MARCHF1: variants seen among roughly 807,000 people sequenced by gnomAD.
The protein encoded by MARCHF1 is E3 ubiquitin-protein ligase MARCHF1.
A neutral mutation model predicts 54.2 loss-of-function variants in MARCHF1; 40 were observed. The ratio of observed to expected loss-of-function variants is 0.74; its 90% CI spans 0.57 to 0.96. The LOEUF (loss-of-function observed/expected upper bound fraction) is 0.96. Among genes scored for constraint, MARCHF1 ranks in the 40% least tolerant of loss-of-function variants. The probability of loss-of-function intolerance (pLI) is 0.00; values close to 1 mark genes in which losing one functional copy is unlikely to be tolerated. For missense variants in MARCHF1, 586 were observed against 656.5 expected (o/e 0.89, Z 1.17); for synonymous variants, 236 against 236.3 (o/e 1.00, Z 0.01).
At chr4:163,650,885 T>TG (rs1324996422) in intron 5 of MARCHF1, among the ~76,000 whole-genome samples, 3 of 151,912 alleles carry the variant, frequency 2.0e-5, no homozygotes, top group Non-Finnish European at 4.4e-5. Context: ...AGCACTATGT[T>TG]GCGTTTATTG....
At chr4:163,733,258 T>TATACACGTGTATATACACACACAC (rs1554008879) in intron 4 of MARCHF1, among the ~76,000 whole-genome samples, 5 of 45,066 alleles carry the variant, frequency 1.1e-4, no homozygotes, top group Non-Finnish European at 2.6e-4. Flanking sequence ...TATATATATA[T>TATACACGTGTATATACACACACAC]ACACACACAC....
chr4:164,355,273 T>A (rs1186232845), intron 1 of MARCHF1, among the ~76,000 whole-genome samples: 44 of 67,888 alleles, frequency 6.5e-4, no homozygotes, highest in African/African-American at 2.0e-3. Flanking sequence ...ACTTTAAAGT[T>A]CATATGGAAC....
At chr4:163,561,803 C>T (rs1366703269) in intron 8 of MARCHF1, among the ~76,000 whole-genome samples, 1 of 152,086 alleles carries the variant, frequency 6.6e-6, no homozygotes, top group African/African-American at 2.4e-5. Flanking sequence ...GTTTGCTCAT[C>T]GTACTGATGT....
chr4:163,854,228 T>C (rs1749710136), intron 3 of MARCHF1, 59 bp from the exon 4 acceptor site: 4 of 1,252,082 alleles, frequency 3.2e-6, no homozygotes, highest in Admixed American at 3.0e-5. Flanking sequence ...TTTTGGAAAA[T>C]ACATATAATC....
chr4:164,243,832 A>C (rs1579653901), intron 1 of MARCHF1, among the ~76,000 whole-genome samples: 1 of 151,984 alleles, frequency 6.6e-6, no homozygotes, highest in East Asian at 1.9e-4. Flanking sequence ...AACAGACTTT[A>C]AACCAACAAA....
chr4:164,068,849 G>C lies in MARCHF1; in HGVS notation c.-248+42739C>G, dbSNP rs183291492. Among the ~76,000 whole-genome samples, 866 of 152,306 alleles carry C rather than the reference G, an allele frequency of 5.7e-3. 7 individuals carry two copies. Among genetic ancestry groups the C allele is most frequent in the African/African-American group, 0.02 (823 of 41,568 alleles). ...TGGTGGGGACTTGGAGAATCTTTAT[G>C]TCTAGTTAAGGGATTGTAAATACAC... On this transcript the variant is annotated intron_variant, in intron 2 of 9. Coordinates refer to ENST00000514618, the MANE Select transcript of MARCHF1 (RefSeq NM_001394959.1).
At chr4:164,250,924 T>A (rs1452479831) in intron 1 of MARCHF1, among the ~76,000 whole-genome samples, 1 of 152,090 alleles carries the variant, frequency 6.6e-6, no homozygotes, top group Non-Finnish European at 1.5e-5. Flanking sequence ...ACTCCCTACC[T>A]CTTTTTGGTT....
At chr4:164,113,672 GATAA>G (rs1200245633) in intron 1 of MARCHF1, among the ~76,000 whole-genome samples, 1 of 151,852 alleles carries the variant, frequency 6.6e-6, no homozygotes, top group Non-Finnish European at 1.5e-5. Flanking sequence ...ACGTCTATCT[GATAA>G]ATAAATTATT....
chr4:164,204,895 C>A (rs1467012737), intron 1 of MARCHF1, among the ~76,000 whole-genome samples: 4 of 152,178 alleles, frequency 2.6e-5, no homozygotes, highest in Admixed American at 6.5e-5. Context: ...ACATTAAATT[C>A]TCTTGCCATT....
At chr4:163,946,425 C>A (rs1752027839) in intron 3 of MARCHF1, among the ~76,000 whole-genome samples, 1 of 152,040 alleles carries the variant, frequency 6.6e-6, no homozygotes, top group Non-Finnish European at 1.5e-5. Context: ...CTCTATTCAC[C>A]CTAATCTTTT....
intron 1 of MARCHF1, among the ~76,000 whole-genome samples, chr4:164,347,999 T>G (rs1054976684): frequency 2.6e-5 from 4 of 152,206 alleles, no homozygotes; most frequent in Non-Finnish European, 5.9e-5. Flanking sequence ...CTTTAAAAAT[T>G]TAGTTGAGAA....
intron 3 of MARCHF1, among the ~76,000 whole-genome samples, chr4:163,910,618 A>T (rs1579385574): frequency 6.6e-6 from 1 of 152,014 alleles, no homozygotes; most frequent in South Asian, 2.1e-4. Flanking sequence ...CCTCAGCCTC[A>T]TGAGTAGCTG....
intron 1 of MARCHF1, among the ~76,000 whole-genome samples, chr4:164,264,739 G>A (rs745855621): frequency 3.3e-5 from 5 of 151,982 alleles, no homozygotes; most frequent in Non-Finnish European, 7.4e-5. Context: ...GGCCAACATG[G>A]TGAAACCCCA....
intron 1 of MARCHF1, among the ~76,000 whole-genome samples, chr4:164,265,506 C>CTCCTGAGT (rs1411917044): frequency 1.1e-3 from 130 of 121,258 alleles, no homozygotes; most frequent in Middle Eastern, 3.9e-3. Flanking sequence ...TAGCTGGGAC[C>CTCCTGAGT]ACACACATTT....
chr4:164,129,699 T>G (rs1393894992), intron 1 of MARCHF1, among the ~76,000 whole-genome samples: 1 of 152,118 alleles, frequency 6.6e-6, no homozygotes, highest in Non-Finnish European at 1.5e-5. Context: ...TACAATCAAG[T>G]GTGGAATTTT....
chr4:164,027,526 C>CTGGGATAACTGG (rs1214523497), intron 2 of MARCHF1, among the ~76,000 whole-genome samples: 1 of 151,918 alleles, frequency 6.6e-6, no homozygotes, highest in Non-Finnish European at 1.5e-5. Context: ...ATAAATGGTG[C>CTGGGATAACTGG]TGGGATAACT....
intron 8 of MARCHF1, among the ~76,000 whole-genome samples, chr4:163,568,900 G>A (rs887456887): frequency 5.9e-5 from 9 of 152,140 alleles, no homozygotes; most frequent in African/African-American, 2.2e-4. Context: ...AGGTTGCTCA[G>A]TGCCAGAAAA....
chr4:163,550,447 A>C (rs112019845), intron 8 of MARCHF1, among the ~76,000 whole-genome samples: 224 of 151,464 alleles, frequency 1.5e-3, no homozygotes, highest in South Asian at 5.2e-3. Context: ...CTATAGAATG[A>C]TAGACCAAAA....
At chr4:164,011,961 TCA>T (rs1277224887) in intron 2 of MARCHF1, among the ~76,000 whole-genome samples, 1 of 152,098 alleles carries the variant, frequency 6.6e-6, no homozygotes, top group African/African-American at 2.4e-5. Context: ...TTCTGCCTTG[TCA>T]CAGCAGAACA....
Sources: gnomAD v4.1 joint callset for allele counts (sites outside exome capture counted in the v4.1 genomes callset) on GRCh38, gnomAD v4.1.1 for gene constraint, MANE v1.5 for transcripts, NCBI Gene and HGNC (gene_info 2026-07-23, HGNC 2026-07-21) for gene names.